SLC47A1: variants seen among roughly 807,000 people sequenced by gnomAD.
SLC47A1 encodes solute carrier family 47 member 1, also known as multidrug and toxin extrusion protein 1.
In SLC47A1, 58 loss-of-function variants were observed where a neutral mutation model predicts 65.8. That is an observed-to-expected ratio of 0.88 (90% confidence interval 0.71 to 1.10). SLC47A1 has a LOEUF of 1.10. Among genes scored for constraint, SLC47A1 ranks in the 50% least tolerant of loss-of-function variants. The pLI is 0.00. For synonymous variants in SLC47A1, 285 were observed against 295.0 expected (o/e 0.97, Z 0.35); for missense variants, 706 against 719.2 (o/e 0.98, Z 0.21).
intron 2 of SLC47A1, among the ~76,000 whole-genome samples, chr17:19,543,571 A>G (rs1421368427): frequency 6.6e-6 from 1 of 152,160 alleles, no homozygotes; most frequent in Non-Finnish European, 1.5e-5. Flanking sequence ...GTCCTAATCT[A>G]GAAATGGGTC....
chr17:19,559,719 G>C (rs997556406), intron 10 of SLC47A1, among the ~76,000 whole-genome samples: 2 of 152,046 alleles, frequency 1.3e-5, no homozygotes, highest in Admixed American at 1.3e-4. Flanking sequence ...TTTTAATAGA[G>C]ATGGGGTTTC....
intron 5 of SLC47A1, 122 bp downstream of exon 5, chr17:19,549,799 C>T: frequency 3.8e-6 from 4 of 1,054,600 alleles, no homozygotes; most frequent in Middle Eastern, 2.5e-4. Flanking sequence ...GTGTTGGTGC[C>T]TTCAAGGAAG....
chr17:19,560,942 G>T (rs1205862605), intron 12 of SLC47A1, among the ~76,000 whole-genome samples: 1 of 151,248 alleles, frequency 6.6e-6, no homozygotes. Context: ...AGCAGAAAAA[G>T]TTTTTTAAAA....
chr17:19,571,602 G>A (rs761751004), intron 15 of SLC47A1, 30 bp downstream of exon 15: 1 of 1,562,208 alleles, frequency 6.4e-7, no homozygotes, highest in Non-Finnish European at 8.8e-7. Context: ...CCCGGTAAAG[G>A]TTCCTCTCCT....
At chr17:19,534,273 C>T (rs938597252) in intron 1 of SLC47A1, 199 bp downstream of exon 1, 2 of 630,192 alleles carry the variant, frequency 3.2e-6, no homozygotes, top group African/African-American at 3.9e-5. Context: ...CTCCGCACCA[C>T]CCGACTGGGG....
At chr17:19,569,690 A>G (rs987179643) in intron 14 of SLC47A1, among the ~76,000 whole-genome samples, 1 of 152,242 alleles carries the variant, frequency 6.6e-6, no homozygotes, top group African/African-American at 2.4e-5. Context: ...GGCCTTGCCC[A>G]TGAGATCTAA....
At position 19,577,416 on chromosome 17, in the gene SLC47A1, C is replaced by T. The variant is rs763733668; in HGVS notation, c.1576C>T (p.Pro526Ser). 7.4e-6 allele frequency: 12 copies of T among 1,614,044 alleles called. No individual in the cohort carries two copies. The highest frequency in any genetic ancestry group is 1.7e-5 in the Admixed American group (1 of 60,008). Residue 526 changes from proline to serine, a missense_variant, in exon 17 of 17, where the codon CCT becomes TCT. Physicochemically the swap from Pro to Ser is moderately conservative, Grantham distance 74 (BLOSUM62 -1). Coordinates refer to ENST00000270570, the MANE Select transcript of SLC47A1 (RefSeq NM_018242.3). ...AGATCAGCAGATGCGCCAAGAAGAA[C>T]CTTTGCCGGAACATCCACAGGACGG... ...QSDQQMRQEE[P>S]LPEHPQDGAK...
At chr17:19,567,459 A>C (rs1334300561) in intron 14 of SLC47A1, among the ~76,000 whole-genome samples, 8 of 152,136 alleles carry the variant, frequency 5.3e-5, no homozygotes, top group Non-Finnish European at 1.0e-4. Flanking sequence ...GCGATCTTCC[A>C]CGCTGACACA....
At chr17:19,544,048 C>T (rs1055770687) in intron 2 of SLC47A1, among the ~76,000 whole-genome samples, 1 of 152,202 alleles carries the variant, frequency 6.6e-6, no homozygotes, top group Non-Finnish European at 1.5e-5. Flanking sequence ...CTCCACCTCC[C>T]GGGTTCAAAT....
In SLC47A1 at chr17:19,560,447, C is replaced by A. The variant is rs201011329; in HGVS notation, c.1060C>A (p.Leu354Met). Residue 354 changes from leucine (L) to methionine (M), a missense_variant, in exon 12 of 17, where the codon CTG becomes ATG. Physicochemically the swap from Leu to Met is conservative, Grantham distance 15. Coordinates refer to ENST00000270570, the MANE Select transcript of SLC47A1 (RefSeq NM_018242.3). ...VLFAVAFSVL[L>M]LSCKDHVGYI... ...CTTTGCTGTAGCCTTCAGTGTCCTG[C>A]TGTTAAGCTGTAAGGATCACGTGGG... The A allele has an allele frequency of 9.4e-5, 151 of 1,614,086 alleles. No homozygotes were observed. Among genetic ancestry groups the A allele is most frequent in the Non-Finnish European group, 1.2e-4 (143 of 1,180,056 alleles).
intron 5 of SLC47A1, 86 bp from the exon 6 acceptor site, chr17:19,551,338 T>C: frequency 8.3e-7 from 1 of 1,201,854 alleles, no homozygotes; most frequent in Admixed American, 1.7e-5. Flanking sequence ...GAACCTTGGC[T>C]GTGGCTCCTA....
rs145557304 is a variant in SLC47A1, at chr17:19,555,276, A to G, written c.608A>G (p.Tyr203Cys). The G allele has an allele frequency of 9.9e-6, 16 of 1,614,036 alleles. No homozygotes were observed. The highest frequency in any genetic ancestry group is 1.3e-5 in the Non-Finnish European group (15 of 1,180,032). ...AACCTTGTCAATGCCCTCGCCAACT[A>G]TCTGTTTCTCCATCAACTGCATCTT... ...AANLVNALAN[Y>C]LFLHQLHLGV... Residue 203 changes from tyrosine (Y) to cysteine (C), a missense_variant, in exon 7 of 17, where the codon TAT (tyrosine) becomes TGT (cysteine). Coordinates refer to ENST00000270570, the MANE Select transcript of SLC47A1 (RefSeq NM_018242.3).
intron 12 of SLC47A1, among the ~76,000 whole-genome samples, chr17:19,560,768 A>G (rs1037312998): frequency 6.6e-6 from 1 of 151,832 alleles, no homozygotes; most frequent in Non-Finnish European, 1.5e-5. Context: ...AATCCCAGCT[A>G]CTTGGGAGGC....
chr17:19,551,855 G>C (rs1169630902), intron 6 of SLC47A1, among the ~76,000 whole-genome samples: 1 of 152,236 alleles, frequency 6.6e-6, no homozygotes, highest in Non-Finnish European at 1.5e-5. Context: ...GTCTGGCAGA[G>C]AGGGAACCAA....
At chr17:19,572,699 G>C in intron 15 of SLC47A1, 81 bp from the exon 16 acceptor site, 1 of 1,309,850 alleles carries the variant, frequency 7.6e-7, no homozygotes, top group Non-Finnish European at 1.1e-6. Flanking sequence ...AAATGGCTTG[G>C]CTCTTCCTAA....
At chr17:19,566,724 C>G in intron 12 of SLC47A1, 66 bp from the exon 13 acceptor site, 4 of 1,493,220 alleles carry the variant, frequency 2.7e-6, no homozygotes, top group Non-Finnish European at 3.7e-6. Flanking sequence ...TGCGCCTAGC[C>G]AGAAAGCTAT....
Position 19,534,008 on chromosome 17 carries a change from G to A in SLC47A1, c.69G>A (p.Ser23=). The change falls in exon 1 of 17, where the codon TCG becomes TCA. Residue 23 remains serine, a synonymous_variant. Transcript: ENST00000270570. The part of the protein sequence containing the change: ...GPEATLEVRG[S]RCLRLSAFRE... ...AGGCCACCCTTGAGGTCCGTGGGTC[G>A]CGCTGCTTGCGGCTGTCCGCCTTCC... 1.9e-6 allele frequency: 3 copies of A among 1,544,904 alleles called. No individual in the cohort carries two copies. In the South Asian group the frequency reaches 3.6e-5, roughly 19 times the overall value.
At chr17:19,568,299 C>A (rs2084375425) in intron 14 of SLC47A1, among the ~76,000 whole-genome samples, 1 of 152,102 alleles carries the variant, frequency 6.6e-6, no homozygotes, top group South Asian at 2.1e-4. Context: ...ATTGCCAATG[C>A]AAAGTTCATT....
intron 2 of SLC47A1, among the ~76,000 whole-genome samples, 166 bp downstream of exon 2, chr17:19,542,660 T>C (rs1325095322): frequency 6.6e-6 from 1 of 152,060 alleles, no homozygotes; most frequent in Non-Finnish European, 1.5e-5. Context: ...AAAATCAAGG[T>C]GCTGCAACTT....
Sources: allele counts gnomAD v4.1 joint callset (sites outside exome capture counted in the v4.1 genomes callset), GRCh38; gene constraint gnomAD v4.1.1; transcripts MANE v1.5; gene names NCBI Gene and HGNC (gene_info 2026-07-23, HGNC 2026-07-21).